The following LRRC56 variants were observed in gnomAD, a reference collection of about 807,000 sequenced individuals.
LRRC56 encodes the protein leucine-rich repeat-containing protein 56.
Under a neutral mutation model 47.8 loss-of-function variants are expected in LRRC56, and 41 were observed. That is an observed-to-expected ratio of 0.86 (90% CI 0.67 to 1.11). LRRC56 has a LOEUF of 1.11. Among genes scored for constraint, LRRC56 ranks in the 50% most tolerant of loss-of-function variants. The pLI is 0.00. For missense variants in LRRC56, 759 were observed against 704.2 expected, an observed-to-expected ratio of 1.08 and a Z score of -0.88; for synonymous variants, 387 against 311.2, an observed-to-expected ratio of 1.24 and a Z score of -2.56.
intron 5 of LRRC56, among the ~76,000 whole-genome samples, chr11:544,168 A>T (rs1433294752): frequency 6.6e-6 from 1 of 152,182 alleles, no homozygotes; most frequent in Non-Finnish European, 1.5e-5. Flanking sequence ...GCAGAAACAC[A>T]GGCTGGGGCG....
Position 551,122 on chromosome 11 carries a change from C to G in LRRC56, c.625-9C>G. ...CCTGCCCTCCCTCCCCCTCCCCCTC[C>G]CCCTGCAGGTGCCCAGGGGCTACAA... On this transcript the variant is annotated splice_polypyrimidine_tract_variant and intron_variant, in intron 8 of 13. Transcript: ENST00000270115. 7.0e-7 allele frequency: 1 copy of G among 1,431,734 alleles called. No individual in the cohort carries two copies. The highest frequency in any genetic ancestry group is 9.3e-7 in the Non-Finnish European group (1 of 1,074,660). The allele number at this position is 1,431,734 out of a possible 1,614,324, so 88.7% of individuals were successfully genotyped here. A position where few individuals can be genotyped will look rare whatever the true frequency, so the allele number is the denominator to read the frequency against.
At chr11:511,733 G>A in the LRRC56 span, among the ~76,000 whole-genome samples, 526 of 152,330 alleles carry the variant, frequency 3.5e-3, 4 homozygotes, top group African/African-American at 0.012. Flanking sequence ...TCAGGGCCCA[G>A]GCGTGACCCT....
the LRRC56 span, among the ~76,000 whole-genome samples, chr11:528,182 G>A: frequency 2.0e-5 from 3 of 152,240 alleles, no homozygotes; most frequent in Non-Finnish European, 4.4e-5. Flanking sequence ...GATGTTGGGA[G>A]AGTTTACGCG....
chr11:515,818 A>C, the LRRC56 span, among the ~76,000 whole-genome samples: 1 of 152,326 alleles, frequency 6.6e-6, no homozygotes, highest in South Asian at 2.1e-4. Context: ...AACCTGGGCG[A>C]GAGAGTGAGA....
chr11:525,356 G>T, the LRRC56 span, among the ~76,000 whole-genome samples: 53 of 152,052 alleles, frequency 3.5e-4, no homozygotes, highest in Non-Finnish European at 6.3e-4. Flanking sequence ...TGGCTAACAC[G>T]GTGAAGCCCC....
the LRRC56 span, among the ~76,000 whole-genome samples, chr11:525,336 G>C: frequency 2.0e-5 from 3 of 151,698 alleles, no homozygotes; most frequent in African/African-American, 7.3e-5. Flanking sequence ...TCAGGAGATC[G>C]AGACCATCCT....
At chr11:534,206 G>A (rs377130570), upstream of LRRC56, 102 of 1,603,614 alleles carry the variant, frequency 6.4e-5, no homozygotes, top group Non-Finnish European at 8.0e-5. Context: ...GCGGCGCCAG[G>A]CTCACCTCTA....
At position 553,976 on chromosome 11, in the gene LRRC56, C is replaced by G. The variant is rs1852601372; in HGVS notation, c.1329C>G (p.Thr443=). ...CTTGCTTTCTAGAGCCCTCCGGGAC[C>G]TCGAGCCAGCACCTGGTCCCTTCAC... is the stretch of plus-strand genomic sequence containing the variant. ...PPSLASEPSG[T]SSQHLVPSPP... is the part of the protein sequence containing the mutation. Residue 443 remains threonine (T), a synonymous_variant, in exon 14 of 14, where the codon ACC becomes ACG. Transcript: ENST00000270115. 6.2e-7 allele frequency: 1 copy of G among 1,611,954 alleles called. No homozygotes were observed. Among genetic ancestry groups the G allele is most frequent in the Non-Finnish European group, 8.5e-7 (1 of 1,179,584 alleles).
Position 552,083 on chromosome 11 carries a change from T to C in LRRC56, c.1039-7T>C. On this transcript the variant is annotated splice_polypyrimidine_tract_variant and splice_region_variant and intron_variant, in intron 11 of 13. Transcript: ENST00000270115. ...GAATCCCTAAAGCAGTCCCTTTTCCTCCCCAGGCCAGGGAGCCCCCCGAGC... is the reference window on the plus strand; with the variant it reads ...GAATCCCTAAAGCAGTCCCTTTTCCCCCCCAGGCCAGGGAGCCCCCCGAGC... 1.2e-6 allele frequency: 2 copies of C among 1,607,916 alleles called. No individual in the cohort carries two copies. The highest frequency in any genetic ancestry group is 1.7e-6 in the Non-Finnish European group (2 of 1,176,532).
At position 551,532 on chromosome 11, in the gene LRRC56, C is replaced by T. The variant is rs577620516; in HGVS notation, c.797-119C>T. On this transcript the variant is annotated intron_variant, in intron 9 of 13. Transcript: ENST00000270115. The stretch of plus-strand genomic sequence containing the variant: ...TGAGGGCCTCTCTAGAAGGCTGCAG[C>T]GTGAGAGGCCAGCCTCAGGCCATGC... 3.6e-3 allele frequency: 3,974 copies of T among 1,098,680 alleles called. 12 individuals are homozygous for T. Among genetic ancestry groups the T allele is most frequent in the Non-Finnish European group, 4.8e-3 (3,667 of 770,992 alleles). 68.1% of individuals were successfully genotyped at this position (1,098,680 alleles called of 1,614,324 possible). A position where few individuals can be genotyped will look rare whatever the true frequency, so the allele number is the denominator to read the frequency against.
At chr11:513,849 C>T in the LRRC56 span, among the ~76,000 whole-genome samples, 1 of 151,456 alleles carries the variant, frequency 6.6e-6, no homozygotes, top group South Asian at 2.1e-4. Context: ...GAAGAAATTG[C>T]CACAGCCACC....
rs575094085 is a variant in LRRC56, at chr11:552,486, T to G, written c.1182-83T>G. ...GCTACCTTGGCTGAGTCATCCCCAG[T>G]CCCAAGGCTCATGGACCATCCCTAT... On this transcript the variant is annotated intron_variant, in intron 12 of 13. Coordinates refer to ENST00000270115, the MANE Select transcript of LRRC56 (RefSeq NM_198075.4). The G allele has an allele frequency of 9.7e-6, 13 of 1,334,048 alleles. No homozygotes were observed. The East Asian group carries it at 3.0e-4, about 31-fold the overall frequency. 82.6% of individuals were successfully genotyped at this position (1,334,048 alleles called of 1,614,324 possible). A position where few individuals can be genotyped will look rare whatever the true frequency, so the allele number is the denominator to read the frequency against.
chr11:530,531 G>C, the LRRC56 span, among the ~76,000 whole-genome samples: 4 of 89,680 alleles, frequency 4.5e-5, no homozygotes, highest in East Asian at 3.0e-4. Flanking sequence ...AGAGAAGGGC[G>C]AGTGTGGCGT....
At chr11:532,463 C>G in the LRRC56 span, 1 of 883,880 alleles carries the variant, frequency 1.1e-6, no homozygotes, top group Non-Finnish European at 1.7e-6. Flanking sequence ...GTCCTTCCTT[C>G]CTCCTCCTTC....
In LRRC56 at chr11:554,441, G is replaced by A; in HGVS notation, c.*165G>A. ...GGGAGTGGGGGACTGGGACCAGCCA[G>A]GGAGGCAGCAGAGGCTGGAACCCAG... On this transcript the variant is annotated 3_prime_UTR_variant, in exon 14 of 14. Transcript: ENST00000270115. The A allele has an allele frequency of 3.4e-6, 2 of 582,120 alleles. No individual in the cohort carries two copies. The highest frequency in any genetic ancestry group is 4.3e-5 in the South Asian group (1 of 23,198). The allele number at this position is 582,120 out of a possible 1,614,324, so 36.1% of individuals were successfully genotyped here.
the LRRC56 span, among the ~76,000 whole-genome samples, chr11:514,751 A>C: frequency 2.6e-4 from 39 of 152,204 alleles, no homozygotes; most frequent in African/African-American, 7.5e-4. Context: ...GTATAAACAT[A>C]ACTTTTATAT....
upstream of LRRC56, chr11:533,279 C>A: frequency 6.3e-7 from 1 of 1,586,686 alleles, no homozygotes; most frequent in Non-Finnish European, 8.5e-7. Flanking sequence ...AGACTTACAG[C>A]GCGAGGGGCC....
At chr11:534,179 C>G (rs2133993748), upstream of LRRC56, 1 of 1,543,020 alleles carries the variant, frequency 6.5e-7, no homozygotes, top group Non-Finnish European at 9.0e-7. Context: ...CCCGCAGCAG[C>G]TGCTGGCACC....
the LRRC56 span, among the ~76,000 whole-genome samples, chr11:531,281 C>T: frequency 6.6e-6 from 1 of 152,132 alleles, no homozygotes; most frequent in Admixed American, 6.5e-5. Flanking sequence ...CTAGCTCTCC[C>T]CCAACCTCAG....
Sources: allele counts gnomAD v4.1 joint callset (sites outside exome capture counted in the v4.1 genomes callset), GRCh38; gene constraint gnomAD v4.1.1; transcripts MANE v1.5; gene names NCBI Gene and HGNC (gene_info 2026-07-23, HGNC 2026-07-21).